The following RAF1 variants were observed in gnomAD, a reference collection of about 807,000 sequenced individuals.
RAF1 encodes Raf-1 proto-oncogene, serine/threonine kinase, also known as RAF proto-oncogene serine/threonine-protein kinase.
Under a neutral mutation model 81.1 loss-of-function variants are expected in RAF1, and 27 were observed. The ratio of observed to expected loss-of-function variants is 0.33; its 90% CI spans 0.25 to 0.46. The LOEUF (loss-of-function observed/expected upper bound fraction) is 0.46, where lower values mean the gene tolerates loss of function less well. Among genes scored for constraint, RAF1 ranks in the 20% least tolerant of loss-of-function variants. The probability of loss-of-function intolerance (pLI) is 1.00; values close to 1 mark genes in which losing one functional copy is unlikely to be tolerated. For missense variants in RAF1, 598 were observed against 826.0 expected, an observed-to-expected ratio of 0.72 and a Z score of 3.38; for synonymous variants, 298 against 294.0, an observed-to-expected ratio of 1.01 and a Z score of -0.14.
intron 5 of RAF1, among the ~76,000 whole-genome samples, chr3:12,606,970 C>G (rs376200862): frequency 9.2e-5 from 14 of 152,278 alleles, no homozygotes; most frequent in Non-Finnish European, 1.9e-4. Flanking sequence ...GGATTACAGG[C>G]GTGAGCCACC....
intron 1 of RAF1, among the ~76,000 whole-genome samples, chr3:12,651,578 G>C (rs1181326704): frequency 6.6e-6 from 1 of 151,180 alleles, no homozygotes; most frequent in Admixed American, 6.6e-5. Context: ...GGGTTGCAGT[G>C]AGCTGAGATC....
intron 1 of RAF1, among the ~76,000 whole-genome samples, chr3:12,626,173 G>T (rs1426395279): frequency 6.7e-6 from 1 of 150,110 alleles, no homozygotes; most frequent in African/African-American, 2.5e-5. Context: ...CTACTCAAGA[G>T]GTGGAGGTTG....
At chr3:12,656,856 G>C (rs962182953) in intron 1 of RAF1, among the ~76,000 whole-genome samples, 2 of 152,050 alleles carry the variant, frequency 1.3e-5, no homozygotes, top group Non-Finnish European at 2.9e-5. Flanking sequence ...ATTTAGCCGG[G>C]CGTGGTGGCA....
intron 1 of RAF1, among the ~76,000 whole-genome samples, chr3:12,644,073 T>C (rs1473958791): frequency 6.6e-6 from 1 of 152,122 alleles, no homozygotes; most frequent in African/African-American, 2.4e-5. Context: ...TTTTTTTCAG[T>C]TTATCATATC....
At position 12,584,441 on chromosome 3, in the gene RAF1, A is replaced by T. The variant is rs932588742; in HGVS notation, c.*73T>A. ...GAAAACATGTGTTCTGCCTCTGGAG[A>T]AAGGGAGCAGAAAAGTGGTGCCTGC... On this transcript the variant is annotated 3_prime_UTR_variant, in exon 18 of 18. Transcript: ENST00000442415. 1.8e-5 allele frequency: 28 copies of T among 1,584,802 alleles called. No individual in the cohort carries two copies. The highest frequency in any genetic ancestry group is 2.3e-5 in the Non-Finnish European group (26 of 1,155,004).
At chr3:12,593,148 T>C (rs1003273054) in intron 11 of RAF1, among the ~76,000 whole-genome samples, 16 of 148,708 alleles carry the variant, frequency 1.1e-4, no homozygotes, top group African/African-American at 2.5e-5. Flanking sequence ...TGGAATGCAG[T>C]GGCACAATCT....
At chr3:12,590,231 A>G (rs954988031) in intron 13 of RAF1, 2 of 161,986 alleles carry the variant, frequency 1.2e-5, no homozygotes, top group Non-Finnish European at 2.7e-5. Flanking sequence ...GCACCCCACT[A>G]TATTCTCAGG....
At chr3:12,587,387 C>G in intron 14 of RAF1, 1 of 636,348 alleles carries the variant, frequency 1.6e-6, no homozygotes. Flanking sequence ...CTAAACATCG[C>G]TCTCATCAGT....
intron 1 of RAF1, among the ~76,000 whole-genome samples, chr3:12,632,810 A>G (rs2059902876): frequency 6.6e-6 from 1 of 152,162 alleles, no homozygotes; most frequent in Non-Finnish European, 1.5e-5. Context: ...CCTTGTAATG[A>G]CATGGACACA....
At chr3:12,601,855 G>A (rs1033777879) in intron 8 of RAF1, among the ~76,000 whole-genome samples, 21 of 152,046 alleles carry the variant, frequency 1.4e-4, no homozygotes, top group Admixed American at 9.2e-4. Context: ...CCCGACCCAC[G>A]ATTGACTGAG....
At chr3:12,656,187 T>C (rs779667884) in intron 1 of RAF1, among the ~76,000 whole-genome samples, 4 of 149,830 alleles carry the variant, frequency 2.7e-5, no homozygotes, top group Non-Finnish European at 4.4e-5. Context: ...AATCACACTA[T>C]AATGCTGGAC....
intron 1 of RAF1, among the ~76,000 whole-genome samples, chr3:12,620,156 C>T (rs1181619517): frequency 6.6e-6 from 1 of 151,962 alleles, no homozygotes; most frequent in Non-Finnish European, 1.5e-5. Flanking sequence ...CTTTTCTTTT[C>T]TTTTGAGACA....
chr3:12,638,304 T>A (rs895536480), intron 1 of RAF1, among the ~76,000 whole-genome samples: 1 of 152,198 alleles, frequency 6.6e-6, no homozygotes, highest in African/African-American at 2.4e-5. Flanking sequence ...AAGTTATCAG[T>A]GCAGTCGTTT....
chr3:12,641,787 C>T (rs2060194764), intron 1 of RAF1, among the ~76,000 whole-genome samples: 1 of 152,006 alleles, frequency 6.6e-6, no homozygotes, highest in South Asian at 2.1e-4. Flanking sequence ...CCACCGTACC[C>T]GGCCCCAAAA....
intron 1 of RAF1, among the ~76,000 whole-genome samples, chr3:12,633,146 A>G (rs1380212176): frequency 6.6e-6 from 1 of 152,146 alleles, no homozygotes. Flanking sequence ...TTGCAAAGGA[A>G]TATCAGGCTT....
At chr3:12,617,408 C>A (rs904369804) in intron 2 of RAF1, among the ~76,000 whole-genome samples, 2 of 152,150 alleles carry the variant, frequency 1.3e-5, no homozygotes, top group Admixed American at 6.5e-5. Flanking sequence ...AGCCACTGCA[C>A]CAGGCCTACT....
chr3:12,659,626 C>G (rs951433344), intron 1 of RAF1, among the ~76,000 whole-genome samples: 2 of 139,084 alleles, frequency 1.4e-5, no homozygotes, highest in East Asian at 5.6e-4. Context: ...TTAATTTATT[C>G]AAGGTAAGTA....
At chr3:12,632,899 A>T (rs1294737004) in intron 1 of RAF1, among the ~76,000 whole-genome samples, 1 of 152,210 alleles carries the variant, frequency 6.6e-6, no homozygotes, top group African/African-American at 2.4e-5. Context: ...AAATTAGAGG[A>T]TCTCTTGACT....
chr3:12,652,894 T>C (rs1383568134), intron 1 of RAF1, among the ~76,000 whole-genome samples: 2 of 151,708 alleles, frequency 1.3e-5, no homozygotes, highest in Non-Finnish European at 2.9e-5. Context: ...TGAGCCAAGA[T>C]TAAGCCACTG....
Sources: gnomAD v4.1 joint callset for allele counts (sites outside exome capture counted in the v4.1 genomes callset) on GRCh38, gnomAD v4.1.1 for gene constraint, MANE v1.5 for transcripts, NCBI Gene and HGNC (gene_info 2026-07-23, HGNC 2026-07-21) for gene names.